The following ZFAND4 variants were observed in gnomAD, a reference collection of about 807,000 sequenced individuals.
ZFAND4 encodes zinc finger AN1-type containing 4, also known as AN1-type zinc finger protein 4.
In ZFAND4, 43 loss-of-function variants were observed where a neutral mutation model predicts 64.4. The ratio of observed to expected loss-of-function variants is 0.67; its 90% confidence interval spans 0.52 to 0.86. ZFAND4 has a LOEUF of 0.86. Among genes scored for constraint, ZFAND4 ranks in the 40% least tolerant of loss-of-function variants. The probability of loss-of-function intolerance (pLI) is 0.00; values close to 1 mark genes in which losing one functional copy is unlikely to be tolerated. For missense variants in ZFAND4, 929 were observed against 859.8 expected, an observed-to-expected ratio of 1.08 and a Z score of -1.01; for synonymous variants, 296 against 305.7, an observed-to-expected ratio of 0.97 and a Z score of 0.33.
At chr10:45,668,690 C>T (rs187168449) in intron 1 of ZFAND4, among the ~76,000 whole-genome samples, 9 of 152,306 alleles carry the variant, frequency 5.9e-5, no homozygotes, top group African/African-American at 2.2e-4. Context: ...GAAATCACAA[C>T]AAACTGTCTC....
chr10:45,619,126 T>C, intron 8 of ZFAND4, among the ~76,000 whole-genome samples: 1 of 151,964 alleles, frequency 6.6e-6, no homozygotes. Flanking sequence ...GCAAGCTCTG[T>C]GTCTTGGGTT....
chr10:45,645,470 CTGAA>C (rs2047318339), intron 5 of ZFAND4, among the ~76,000 whole-genome samples: 1 of 152,078 alleles, frequency 6.6e-6, no homozygotes, highest in Non-Finnish European at 1.5e-5. Flanking sequence ...CTCAGGAACT[CTGAA>C]TGAGAAGAAC....
At chr10:45,662,262 C>T (rs1387463666) in intron 2 of ZFAND4, among the ~76,000 whole-genome samples, 1 of 152,212 alleles carries the variant, frequency 6.6e-6, no homozygotes, top group East Asian at 1.9e-4. Flanking sequence ...CACAATGTCT[C>T]CTCCTACAGA....
chr10:45,626,673 G>GT lies in ZFAND4; in HGVS notation c.1149dup (p.Pro384ThrfsTer14). ...TGTTCGGTTACACATTCTTCTGAAGGTAAGACAATGTTCCCATTACTAGAT... is the reference window on the plus strand; with the variant it reads ...TGTTCGGTTACACATTCTTCTGAAGGTTAAGACAATGTTCCCATTACTAGAT... On this transcript the variant is annotated frameshift_variant, in exon 7 of 10. Transcript: ENST00000344646. LOFTEE classifies it high-confidence loss of function. 1 of 1,614,168 alleles carries GT rather than the reference G, an allele frequency of 6.2e-7. No individual in the cohort carries two copies. The highest frequency in any genetic ancestry group is 8.5e-7 in the Non-Finnish European group (1 of 1,180,030).
chr10:45,670,886 G>A (rs1361217807), intron 1 of ZFAND4, among the ~76,000 whole-genome samples: 1 of 152,108 alleles, frequency 6.6e-6, no homozygotes, highest in Non-Finnish European at 1.5e-5. Context: ...TACCATCAGA[G>A]TGAACAGGCA....
chr10:45,659,661 C>T (rs985112984), intron 2 of ZFAND4, among the ~76,000 whole-genome samples: 2 of 152,034 alleles, frequency 1.3e-5, no homozygotes, highest in Non-Finnish European at 2.9e-5. Flanking sequence ...TGTCAGAGAT[C>T]TTGAAATTAT....
At position 45,627,077 on chromosome 10, in the gene ZFAND4, T is replaced by C; in HGVS notation, c.746A>G (p.His249Arg). The change falls in exon 7 of 10, where the codon CAC (histidine) becomes CGC (arginine). Residue 249 changes from histidine (H) to arginine (R), a missense_variant. His to Arg is a conservative substitution (Grantham distance 29). Coordinates refer to ENST00000344646, the MANE Select transcript of ZFAND4 (RefSeq NM_174890.4). ...KPKKAVKIKP[H>R]PPVAPRPSSG... ...AGAAGGTCGAGGAGCTACAGGTGGGTGAGGTTTTATCTTGACAGCTTTCTT... is the reference window on the plus strand; with the variant it reads ...AGAAGGTCGAGGAGCTACAGGTGGGCGAGGTTTTATCTTGACAGCTTTCTT... 3.2e-6 allele frequency: 5 copies of C among 1,558,096 alleles called. No individual in the cohort carries two copies. The highest frequency in any genetic ancestry group is 4.3e-6 in the Non-Finnish European group (5 of 1,152,716).
At chr10:45,652,846 GGAT>G in intron 3 of ZFAND4, 135 bp downstream of exon 3, 1 of 614,994 alleles carries the variant, frequency 1.6e-6, no homozygotes, top group South Asian at 2.2e-5. Flanking sequence ...CTAAAGTTCA[GGAT>G]GTATAATGAA....
At chr10:45,656,715 A>T (rs2048145811) in intron 2 of ZFAND4, among the ~76,000 whole-genome samples, 1 of 152,054 alleles carries the variant, frequency 6.6e-6, no homozygotes, top group South Asian at 2.1e-4. Flanking sequence ...CTGAAGCCTA[A>T]ATACCCAATA....
Position 45,648,408 on chromosome 10 carries a change from T to C in ZFAND4, c.455A>G (p.Asn152Ser). Residue 152 changes from asparagine to serine, a missense_variant, in exon 5 of 10, where the codon AAT becomes AGT. Asn to Ser is a conservative substitution (Grantham distance 46). Transcript: ENST00000344646. ...FLVYQEGDQL[N>S]FFPAVDRGDG... The stretch of plus-strand genomic sequence containing the variant: ...TCCCCTATCTACTGCAGGAAAGAAA[T>C]TCAATTGATCTCCTTCTTGGTATAC... The C allele has an allele frequency of 6.2e-7, 1 of 1,614,028 alleles. No individual in the cohort carries two copies. Among genetic ancestry groups the C allele is most frequent in the Admixed American group, 1.7e-5 (1 of 60,004 alleles).
In ZFAND4 at chr10:45,652,006, T is replaced by C; in HGVS notation, c.288A>G (p.Leu96=). The part of the protein sequence containing the change: ...YNISEGCTLK[L]VLAMRGGPIN... ...TAGGTCCGCCACGCATAGCCAAAACTAGCTTCAAGGTACACCCTTCTGAAA... is the reference window on the plus strand; with the variant it reads ...TAGGTCCGCCACGCATAGCCAAAACCAGCTTCAAGGTACACCCTTCTGAAA... Residue 96 remains leucine (L), a synonymous_variant, in exon 4 of 10, where the codon CTA becomes CTG. Coordinates refer to ENST00000344646, the MANE Select transcript of ZFAND4 (RefSeq NM_174890.4). 6.2e-7 allele frequency: 1 copy of C among 1,613,840 alleles called. No homozygotes were observed. The highest frequency in any genetic ancestry group is 8.5e-7 in the Non-Finnish European group (1 of 1,179,784).
chr10:45,655,057 C>G (rs542470568), intron 2 of ZFAND4, among the ~76,000 whole-genome samples: 1 of 152,240 alleles, frequency 6.6e-6, no homozygotes, highest in African/African-American at 2.4e-5. Context: ...ATACATTCGT[C>G]TCATCAGCAC....
At chr10:45,660,671 A>AG (rs1192621885) in intron 2 of ZFAND4, among the ~76,000 whole-genome samples, 2 of 152,192 alleles carry the variant, frequency 1.3e-5, no homozygotes, top group Non-Finnish European at 2.9e-5. Context: ...CAGCCAGGAA[A>AG]GGGAAAAAAA....
chr10:45,626,347 T>C lies in ZFAND4; in HGVS notation c.1476A>G (p.Arg492=), dbSNP rs1328534491. ...SLHNSLVKPE[R]QSKCFEFGKL... ...TCCCAAACTCAAAACATTTGGACTG[T>C]CTCTCTGGTTTCACCAGAGAATTAT... Residue 492 remains arginine, a synonymous_variant, in exon 7 of 10, where the codon AGA becomes AGG. Transcript: ENST00000344646. The C allele has an allele frequency of 1.2e-6, 2 of 1,614,180 alleles. No homozygotes were observed. The highest frequency in any genetic ancestry group is 1.7e-5 in the Admixed American group (1 of 60,020).
At chr10:45,640,423 TAAA>T (rs35229531) in intron 5 of ZFAND4, 8,259 of 898,758 alleles carry the variant, frequency 9.2e-3, no homozygotes, top group Admixed American at 0.014. Flanking sequence ...AGATTCTCAC[TAAA>T]AAAAAAAAAA....
At chr10:45,631,082 G>T (rs2046182313) in intron 6 of ZFAND4, among the ~76,000 whole-genome samples, 1 of 152,006 alleles carries the variant, frequency 6.6e-6, no homozygotes, top group Non-Finnish European at 1.5e-5. Context: ...ACTTTGGAAG[G>T]CCGAGGCGGG....
chr10:45,671,660 C>T (rs1004629265), intron 1 of ZFAND4, among the ~76,000 whole-genome samples: 3 of 152,062 alleles, frequency 2.0e-5, no homozygotes, highest in African/African-American at 7.2e-5. Context: ...GGGAGGGGAA[C>T]ATCACACACT....
At chr10:45,662,049 T>C (rs2048514078) in intron 2 of ZFAND4, among the ~76,000 whole-genome samples, 1 of 152,140 alleles carries the variant, frequency 6.6e-6, no homozygotes, top group African/African-American at 2.4e-5. Flanking sequence ...GGTACCCTGA[T>C]ATTCAGCCTT....
intron 6 of ZFAND4, among the ~76,000 whole-genome samples, chr10:45,632,697 C>T (rs184828697): frequency 4.6e-5 from 7 of 152,216 alleles, no homozygotes; most frequent in African/African-American, 1.7e-4. Flanking sequence ...CTTACACATT[C>T]ATATATACAG....
Sources: allele counts gnomAD v4.1 joint callset (sites outside exome capture counted in the v4.1 genomes callset), GRCh38; gene constraint gnomAD v4.1.1; transcripts MANE v1.5; gene names NCBI Gene and HGNC (gene_info 2026-07-23, HGNC 2026-07-21).